Variants in RMND1 observed in about 807,000 individuals in gnomAD.
RMND1 encodes required for meiotic nuclear division 1 homolog.
RMND1 carries 41 observed loss-of-function variants against 54.0 expected under a neutral mutation model. The ratio of observed to expected loss-of-function variants is 0.76; its 90% confidence interval spans 0.59 to 0.98. The LOEUF (loss-of-function observed/expected upper bound fraction) is 0.98, where lower values mean the gene tolerates loss of function less well. Ranked by LOEUF, RMND1 falls within the 50% of genes least tolerant of loss-of-function variation. The probability of loss-of-function intolerance (pLI) is 0.00; values close to 1 mark genes in which losing one functional copy is unlikely to be tolerated. For missense variants in RMND1, 457 were observed against 532.0 expected (o/e 0.86, Z 1.39); for synonymous variants, 183 against 181.7 (o/e 1.01, Z -0.06).
At chr6:151,445,242 A>C in intron 2 of RMND1, 66 bp downstream of exon 2, 3 of 1,515,226 alleles carry the variant, frequency 2.0e-6, no homozygotes, top group Non-Finnish European at 2.7e-6. Context: ...GCTGGGGTGC[A>C]ACGCACACTG....
chr6:151,442,006 C>T (rs905397855), intron 2 of RMND1, among the ~76,000 whole-genome samples: 1 of 152,130 alleles, frequency 6.6e-6, no homozygotes, highest in African/African-American at 2.4e-5. Context: ...TGGAATTGAA[C>T]TGAATTGCAG....
At chr6:151,448,195 T>C (rs546259075) in intron 1 of RMND1, among the ~76,000 whole-genome samples, 85 of 152,184 alleles carry the variant, frequency 5.6e-4, no homozygotes, top group Non-Finnish European at 1.0e-3. Flanking sequence ...CAGGGCCCTA[T>C]TGTCATTATC....
At chr6:151,410,100 G>C (rs1351086849) in intron 10 of RMND1, among the ~76,000 whole-genome samples, 8 of 150,990 alleles carry the variant, frequency 5.3e-5, no homozygotes, top group Non-Finnish European at 8.8e-5. Context: ...TGTCACCCAG[G>C]CTGGACTGCA....
intron 3 of RMND1, among the ~76,000 whole-genome samples, chr6:151,435,139 C>T (rs1413868256): frequency 2.0e-5 from 3 of 149,746 alleles, no homozygotes; most frequent in Non-Finnish European, 4.4e-5. Context: ...TGAGGCATCA[C>T]GCCCGGCCTA....
At chr6:151,449,852 T>C (rs938512844) in intron 1 of RMND1, among the ~76,000 whole-genome samples, 1 of 152,234 alleles carries the variant, frequency 6.6e-6, no homozygotes, top group African/African-American at 2.4e-5. Context: ...GGTTTCGCTG[T>C]GTTGGCCGGG....
chr6:151,446,453 C>T lies in RMND1; in HGVS notation c.-14-628G>A, dbSNP rs1258548029. 4.6e-5 allele frequency among the ~76,000 whole-genome samples: 7 copies of T among 151,770 alleles called. No individual in the cohort carries two copies. The East Asian group carries it at 1.2e-3, about 25-fold the overall frequency. On this transcript the variant is annotated intron_variant, in intron 1 of 11. Transcript: ENST00000444024. ...AAAAAAAAAAATCAGGAAAGGTTCC[C>T]AGAAAGATCTAAGCTGATTCTAGAA...
rs925999964 is a variant in RMND1, at chr6:151,405,573, T to C, written c.1317+147A>G. The C allele has an allele frequency of 1.5e-5, 9 of 609,488 alleles. No homozygotes were observed. The African/African-American group carries it at 1.5e-4, about 10-fold the overall frequency. 37.8% of individuals were successfully genotyped at this position (609,488 alleles called of 1,614,324 possible). A position where few individuals can be genotyped will look rare whatever the true frequency, so the allele number is the denominator to read the frequency against. ...TTTTAATGCATTTGCAAATAGTAAT[T>C]TGAAACTTCCAAATAGAGTTAGTAA... is the stretch of plus-strand genomic sequence containing the variant. On this transcript the variant is annotated intron_variant, in intron 11 of 11. Coordinates refer to ENST00000444024, the MANE Select transcript of RMND1 (RefSeq NM_017909.4).
At chr6:151,444,912 T>C (rs1434452713) in intron 2 of RMND1, 1 of 160,546 alleles carries the variant, frequency 6.2e-6, no homozygotes, top group African/African-American at 2.4e-5. Flanking sequence ...CACAGCCTAA[T>C]AAAGGCTTAT....
Position 151,405,725 on chromosome 6 carries a change from T to C in RMND1, c.1312A>G (p.Ile438Val), listed in dbSNP as rs1420702160. 7 of 1,476,384 alleles carry C rather than the reference T, an allele frequency of 4.7e-6. No individual in the cohort carries two copies. The highest frequency in any genetic ancestry group is 4.5e-5 in the South Asian group (4 of 88,118). The allele number at this position is 1,476,384 out of a possible 1,614,324, so 91.5% of individuals were successfully genotyped here. A position where few individuals can be genotyped will look rare whatever the true frequency, so the allele number is the denominator to read the frequency against. ...LEWMIVILIT[I>V]EVMFELGRVF... is the part of the protein sequence containing the mutation. ...ACAGAGCATTTCCATCTTACCTCTATGGTAATGAGGATGACAATCATCCAC... is the reference window on the plus strand; with the variant it reads ...ACAGAGCATTTCCATCTTACCTCTACGGTAATGAGGATGACAATCATCCAC... Residue 438 changes from isoleucine (I) to valine (V), a missense_variant, in exon 11 of 12, where the codon ATA becomes GTA. Transcript: ENST00000444024.
intron 2 of RMND1, among the ~76,000 whole-genome samples, chr6:151,443,228 C>G (rs1780836770): frequency 6.6e-6 from 1 of 152,114 alleles, no homozygotes; most frequent in Admixed American, 6.5e-5. Flanking sequence ...CTAGTCATGC[C>G]AAGACTGCTT....
At chr6:151,428,377 C>T (rs1284670806) in intron 5 of RMND1, among the ~76,000 whole-genome samples, 1 of 152,164 alleles carries the variant, frequency 6.6e-6, no homozygotes, top group Non-Finnish European at 1.5e-5. Context: ...AGACGAACTG[C>T]AATTTATTTA....
At chr6:151,417,202 T>A in intron 10 of RMND1, 77 bp downstream of exon 10, 1 of 1,433,914 alleles carries the variant, frequency 7.0e-7, no homozygotes, top group East Asian at 2.3e-5. Context: ...AAGATATTTC[T>A]CTGCAAGCAG....
intron 2 of RMND1, chr6:151,445,024 A>C: frequency 9.1e-6 from 3 of 330,220 alleles, no homozygotes; most frequent in Non-Finnish European, 1.6e-5. Context: ...ACTGGACTTA[A>C]TATTGGTCCT....
chr6:151,442,842 G>A (rs1329519493), intron 2 of RMND1, among the ~76,000 whole-genome samples: 1 of 151,978 alleles, frequency 6.6e-6, no homozygotes, highest in Non-Finnish European at 1.5e-5. Flanking sequence ...ATCCACTATT[G>A]CTTTTAGGAA....
chr6:151,436,483 G>A lies in RMND1; in HGVS notation c.576C>T (p.Ala192=), dbSNP rs1229379644. 1.2e-6 allele frequency: 2 copies of A among 1,614,018 alleles called. No individual in the cohort carries two copies. The highest frequency in any genetic ancestry group is 1.7e-6 in the Non-Finnish European group (2 of 1,179,896). The change falls in exon 3 of 12, where the codon GCC becomes GCT. Residue 192 remains alanine, a synonymous_variant. Transcript: ENST00000444024. The stretch of plus-strand genomic sequence containing the variant: ...TTGTTACTTCAACATATCCGTGGGA[G>A]GCCAGATCTTGAGACAGATTTCCCA... The part of the protein sequence containing the change: ...YHLGNLSQDL[A]SHGYVEVTSL...
At chr6:151,412,747 G>GAGAGCAGGTACCTTACATGGCAGAAGCGA (rs1779886167) in intron 10 of RMND1, among the ~76,000 whole-genome samples, 1 of 152,190 alleles carries the variant, frequency 6.6e-6, no homozygotes, top group South Asian at 2.1e-4. Flanking sequence ...AAGGTGAAGG[G>GAGAGCAGGTACCTTACATGGCAGAAGCGA]AGAGCAGGTA....
At chr6:151,406,362 GTT>G (rs1562780186) in intron 10 of RMND1, among the ~76,000 whole-genome samples, 3 of 150,802 alleles carry the variant, frequency 2.0e-5, no homozygotes, top group Non-Finnish European at 3.0e-5. Flanking sequence ...TTTTTTTTTT[GTT>G]GTTGTTGTTG....
Position 151,405,197 on chromosome 6 carries a change from T to G in RMND1, c.*38A>C. The G allele has an allele frequency of 6.3e-7, 1 of 1,588,750 alleles. No homozygotes were observed. The highest frequency in any genetic ancestry group is 8.6e-7 in the Non-Finnish European group (1 of 1,157,752). On this transcript the variant is annotated 3_prime_UTR_variant, in exon 12 of 12. Transcript: ENST00000444024. ...ACATTTAATTTTTGATTGTAGAACTTGAATATCTCTTGCAGTGACACTTTG... is the reference window on the plus strand; with the variant it reads ...ACATTTAATTTTTGATTGTAGAACTGGAATATCTCTTGCAGTGACACTTTG...
Position 151,437,426 on chromosome 6 carries a change from A to G in RMND1, c.505-872T>C, listed in dbSNP as rs116450527. The stretch of plus-strand genomic sequence containing the variant: ...ATAAGATGTGGTCAATAAAGTTTGA[A>G]AGCTATTGGCATAAGAGTTAAGATT... On this transcript the variant is annotated intron_variant, in intron 2 of 11. Coordinates refer to ENST00000444024, the MANE Select transcript of RMND1 (RefSeq NM_017909.4). 8.9e-3 allele frequency among the ~76,000 whole-genome samples: 1,353 copies of G among 152,332 alleles called. 17 individuals are homozygous for G. The highest frequency in any genetic ancestry group is 0.028 in the African/African-American group (1,157 of 41,568).
Sources: gnomAD v4.1 joint callset for allele counts (sites outside exome capture counted in the v4.1 genomes callset) on GRCh38, gnomAD v4.1.1 for gene constraint, MANE v1.5 for transcripts, NCBI Gene and HGNC (gene_info 2026-07-23, HGNC 2026-07-21) for gene names.